Variants in RFX4 observed in about 807,000 individuals in gnomAD.
RFX4 encodes the protein transcription factor RFX4.
A neutral mutation model predicts 95.0 loss-of-function variants in RFX4; 10 were observed. The observed-to-expected ratio is 0.11, with a 90% CI of 0.06 to 0.18. The LOEUF is 0.18. Ranked by LOEUF, RFX4 falls within the 10% of genes least tolerant of loss-of-function variation. RFX4 has a pLI of 1.00. For missense variants in RFX4, 640 were observed against 922.0 expected, an observed-to-expected ratio of 0.69 and a Z score of 3.96; for synonymous variants, 321 against 340.7, an observed-to-expected ratio of 0.94 and a Z score of 0.64.
chr12:106,601,310 G>A, intron 1 of RFX4: 5 of 1,596,000 alleles, frequency 3.1e-6, no homozygotes, highest in Non-Finnish European at 4.3e-6. Flanking sequence ...TGGTGCGGGA[G>A]GCGACAGGAC....
chr12:106,587,367 A>G (rs1739375008), intron 1 of RFX4, among the ~76,000 whole-genome samples: 1 of 152,150 alleles, frequency 6.6e-6, no homozygotes, highest in Non-Finnish European at 1.5e-5. Context: ...AAAGCAAAAT[A>G]TTATGAGTGC....
At chr12:106,621,694 T>C (rs2040188589) in intron 2 of RFX4, among the ~76,000 whole-genome samples, 1 of 152,196 alleles carries the variant, frequency 6.6e-6, no homozygotes, top group African/African-American at 2.4e-5. Flanking sequence ...CTCTTTGGAA[T>C]TTTGCTCCTT....
At position 106,733,093 on chromosome 12, in the gene RFX4, A is replaced by G. The variant is rs765304720; in HGVS notation, c.1633+8A>G. ...CTGGCCTCAGCACTACAGGTAATGG[A>G]AAGTCCTTCAAAAACTTTGGGTAGT... On this transcript the variant is annotated splice_region_variant and intron_variant, in intron 15 of 17. Coordinates refer to ENST00000392842, the MANE Select transcript of RFX4 (RefSeq NM_213594.3). The G allele has an allele frequency of 5.0e-6, 8 of 1,613,602 alleles. No individual in the cohort carries two copies. Among genetic ancestry groups the G allele is most frequent in the Admixed American group, 1.7e-5 (1 of 59,994 alleles).
At chr12:106,650,669 G>A (rs533397278) in intron 3 of RFX4, among the ~76,000 whole-genome samples, 6 of 152,142 alleles carry the variant, frequency 3.9e-5, no homozygotes, top group Admixed American at 6.5e-5. Context: ...CGGAGGTTGC[G>A]GTGAGCCGAG....
chr12:106,637,947 ATTAAT>A (rs1349055017), intron 2 of RFX4, among the ~76,000 whole-genome samples: 1 of 152,110 alleles, frequency 6.6e-6, no homozygotes, highest in Admixed American at 6.6e-5. Flanking sequence ...CACCCCCAAA[ATTAAT>A]TTAATTCTTC....
rs1158002422 is a variant in RFX4, at chr12:106,733,105, A to AG, written c.1633+20_1633+21insG. The AG allele has an allele frequency of 6.2e-7, 1 of 1,612,926 alleles. No homozygotes were observed. The highest frequency in any genetic ancestry group is 1.1e-5 in the South Asian group (1 of 90,986). ...CTACAGGTAATGGAAAGTCCTTCAA[A>AG]AACTTTGGGTAGTTAATGTTTGAAG... On this transcript the variant is annotated intron_variant, in intron 15 of 17. Transcript: ENST00000392842.
intron 10 of RFX4, 159 bp from the exon 11 acceptor site, chr12:106,715,241 T>A: frequency 1.4e-6 from 1 of 740,590 alleles, no homozygotes; most frequent in Non-Finnish European, 2.1e-6. Flanking sequence ...TCTTCTGAGT[T>A]ACAGAGTCTT....
chr12:106,714,068 CAAAAAAAAAAA>C lies in RFX4; in HGVS notation c.994-1319_994-1309del, dbSNP rs58283896. Reference sequence around the variant, plus strand: ...GGGCAACAAGAGTGAAACTCCATCTCAAAAAAAAAAAAAAAAAAAAAAAGCATGTTCTAAAC... The same window carrying C: ...GGGCAACAAGAGTGAAACTCCATCTCAAAAAAAAAAAAGCATGTTCTAAAC... On this transcript the variant is annotated intron_variant, in intron 10 of 17. Transcript: ENST00000392842. Among the ~76,000 whole-genome samples, 4 of 30,526 alleles carry C rather than the reference CAAAAAAAAAAA, an allele frequency of 1.3e-4. No individual in the cohort carries two copies. The East Asian group carries it at 2.2e-3, about 17-fold the overall frequency. 20.0% of individuals were successfully genotyped at this position (30,526 alleles called of 152,430 possible). A position where few individuals can be genotyped will look rare whatever the true frequency, so the allele number is the denominator to read the frequency against.
At chr12:106,619,009 A>G (rs944616401) in intron 2 of RFX4, among the ~76,000 whole-genome samples, 6 of 152,202 alleles carry the variant, frequency 3.9e-5, no homozygotes, top group African/African-American at 1.4e-4. Flanking sequence ...CTTCAAGCTC[A>G]GTGAAAGAGC....
intron 1 of RFX4, among the ~76,000 whole-genome samples, chr12:106,604,544 TA>T (rs34226359): frequency 1.4e-3 from 211 of 145,964 alleles, no homozygotes; most frequent in South Asian, 1.3e-3. Flanking sequence ...CTTATGTGGT[TA>T]AAAAAAAAAA....
At chr12:106,611,569 G>A (rs1402825754) in intron 2 of RFX4, among the ~76,000 whole-genome samples, 1 of 151,344 alleles carries the variant, frequency 6.6e-6, no homozygotes, top group East Asian at 1.9e-4. Context: ...GGAGTACAGT[G>A]GCGCTGTCTC....
At position 106,757,562 on chromosome 12, in the gene RFX4, A is replaced by C. The variant is rs371159442; in HGVS notation, c.1936-3635A>C. On this transcript the variant is annotated intron_variant, in intron 17 of 17. Coordinates refer to ENST00000392842, the MANE Select transcript of RFX4 (RefSeq NM_213594.3). ...GACCCTGTCTCAAAAAAAAAAAAAA[A>C]AAAAGCTCAGCAGATGTGGACTGTC... Among the ~76,000 whole-genome samples the C allele has an allele frequency of 3.3e-5, 5 of 152,036 alleles. No individual in the cohort carries two copies. In the East Asian group the frequency reaches 5.8e-4, roughly 18 times the overall value.
chr12:106,666,153 A>G (rs2041172822), intron 4 of RFX4, among the ~76,000 whole-genome samples: 1 of 151,964 alleles, frequency 6.6e-6, no homozygotes, highest in African/African-American at 2.4e-5. Flanking sequence ...TAGTGTACAG[A>G]AACTTAGGTT....
chr12:106,670,305 C>T (rs2041257019), intron 4 of RFX4, among the ~76,000 whole-genome samples: 1 of 152,162 alleles, frequency 6.6e-6, no homozygotes. Context: ...CCATTTTTGA[C>T]TTAACCTGTA....
At chr12:106,688,305 T>C (rs2041708091) in intron 6 of RFX4, among the ~76,000 whole-genome samples, 1 of 152,064 alleles carries the variant, frequency 6.6e-6, no homozygotes, top group African/African-American at 2.4e-5. Context: ...TCTGACCTCA[T>C]GATCTGCCCA....
intron 4 of RFX4, among the ~76,000 whole-genome samples, chr12:106,669,181 G>A (rs190636361): frequency 6.6e-6 from 1 of 152,270 alleles, no homozygotes; most frequent in East Asian, 1.9e-4. Flanking sequence ...AAAGCTCAGA[G>A]GGACTGAGTG....
chr12:106,608,690 A>G (rs2039889623), intron 1 of RFX4, 107 bp from the exon 2 acceptor site: 1 of 1,025,568 alleles, frequency 9.8e-7, no homozygotes, highest in Non-Finnish European at 1.4e-6. Context: ...GAGCATTTAA[A>G]TCTAATGCAT....
intron 2 of RFX4, among the ~76,000 whole-genome samples, chr12:106,610,154 C>T (rs1034361213): frequency 1.4e-5 from 2 of 147,682 alleles, no homozygotes; most frequent in African/African-American, 5.0e-5. Context: ...AGGAGAATGG[C>T]GTGAACCTGG....
chr12:106,592,280 TTGAGA>T (rs1297474199), intron 1 of RFX4, among the ~76,000 whole-genome samples: 2 of 152,190 alleles, frequency 1.3e-5, no homozygotes, highest in South Asian at 2.1e-4. Context: ...AGTTTTAATG[TTGAGA>T]TAAGTCATTT....
Sources: allele counts gnomAD v4.1 joint callset (sites outside exome capture counted in the v4.1 genomes callset), GRCh38; gene constraint gnomAD v4.1.1; transcripts MANE v1.5; gene names NCBI Gene and HGNC (gene_info 2026-07-23, HGNC 2026-07-21).